The following SND1 variants were observed in gnomAD, a reference collection of about 807,000 sequenced individuals.
SND1 encodes staphylococcal nuclease and tudor domain containing 1.
Under a neutral mutation model 121.7 loss-of-function variants are expected in SND1, and 38 were observed. That is an observed-to-expected ratio of 0.31 (90% CI 0.24 to 0.41). SND1 has a LOEUF of 0.41. Ranked by LOEUF, SND1 falls within the 10% of genes least tolerant of loss-of-function variation. SND1 has a pLI of 1.00. For synonymous variants in SND1, 401 were observed against 447.4 expected (o/e 0.90, Z 1.31); for missense variants, 868 against 1,184.6 (o/e 0.73, Z 3.92).
At chr7:128,047,367 C>T (rs1792967850) in intron 16 of SND1, among the ~76,000 whole-genome samples, 1 of 152,238 alleles carries the variant, frequency 6.6e-6, no homozygotes. Flanking sequence ...CAGGATCTTC[C>T]AAACTTCAGA....
intron 15 of SND1, among the ~76,000 whole-genome samples, chr7:127,957,678 GT>G (rs1801627695): frequency 6.6e-6 from 1 of 151,674 alleles, no homozygotes; most frequent in South Asian, 2.1e-4. Flanking sequence ...GATGGCTGCA[GT>G]TATTTTATTT....
intron 11 of SND1, among the ~76,000 whole-genome samples, chr7:127,820,818 T>G: frequency 6.6e-6 from 1 of 152,200 alleles, no homozygotes; most frequent in Admixed American, 6.5e-5. Context: ...GTATGCTCCA[T>G]CTGCCTTTAT....
chr7:127,812,268 T>G (rs775988980), intron 11 of SND1, among the ~76,000 whole-genome samples: 1 of 152,218 alleles, frequency 6.6e-6, no homozygotes, highest in Non-Finnish European at 1.5e-5. Context: ...GAAAGTAGAT[T>G]TCTTCAGGTA....
chr7:127,841,734 G>A (rs946304409), intron 11 of SND1, among the ~76,000 whole-genome samples: 2 of 152,122 alleles, frequency 1.3e-5, no homozygotes, highest in African/African-American at 4.8e-5. Context: ...TGCAGGGAAA[G>A]TATTAAAAAC....
At chr7:127,749,874 A>G (rs1797054402) in intron 10 of SND1, among the ~76,000 whole-genome samples, 2 of 152,192 alleles carry the variant, frequency 1.3e-5, no homozygotes, top group African/African-American at 2.4e-5. Context: ...TGGGAGGCCA[A>G]GATGGGAGGA....
At chr7:127,837,914 G>A (rs1798895253) in intron 11 of SND1, among the ~76,000 whole-genome samples, 1 of 152,140 alleles carries the variant, frequency 6.6e-6, no homozygotes, top group South Asian at 2.1e-4. Context: ...TTCTATAGAA[G>A]GGTGCGACTC....
intron 16 of SND1, among the ~76,000 whole-genome samples, chr7:128,066,410 C>T (rs964589800): frequency 1.3e-5 from 2 of 152,322 alleles, no homozygotes; most frequent in East Asian, 1.9e-4. Context: ...CTGTGGGCTG[C>T]GCTTGAAAGA....
intron 16 of SND1, among the ~76,000 whole-genome samples, chr7:128,066,611 C>T (rs1230716500): frequency 6.6e-6 from 1 of 152,208 alleles, no homozygotes; most frequent in Non-Finnish European, 1.5e-5. Context: ...TCCACAGCAT[C>T]GCCTTATTAA....
chr7:127,884,981 TG>T (rs1401728454), intron 12 of SND1, among the ~76,000 whole-genome samples: 1 of 152,134 alleles, frequency 6.6e-6, no homozygotes, highest in Non-Finnish European at 1.5e-5. Flanking sequence ...CCCTCCCAAG[TG>T]GACACTCAGT....
In SND1 at chr7:128,092,412, G is replaced by A. The variant is rs1174658451; in HGVS notation, c.*354G>A. On this transcript the variant is annotated 3_prime_UTR_variant, in exon 24 of 24. Coordinates refer to ENST00000354725, the MANE Select transcript of SND1 (RefSeq NM_014390.4). This position sits in a 1 kb window ranked among gnomAD's most constrained non-coding sequence, Gnocchi z 4.9. Reference sequence around the variant, plus strand: ...AGTAATCCTAACACCCAGGCTGGCCGCCAGCTGGCACCTGCCTCTATCCCA... The same window carrying A: ...AGTAATCCTAACACCCAGGCTGGCCACCAGCTGGCACCTGCCTCTATCCCA... The A allele has an allele frequency of 7.6e-6, 2 of 264,120 alleles. No individual in the cohort carries two copies. The highest frequency in any genetic ancestry group is 2.2e-5 in the African/African-American group (1 of 45,758). 16.4% of individuals were successfully genotyped at this position (264,120 alleles called of 1,614,324 possible). A position where few individuals can be genotyped will look rare whatever the true frequency, so the allele number is the denominator to read the frequency against.
At chr7:128,039,433 C>T (rs1342869147) in intron 16 of SND1, among the ~76,000 whole-genome samples, 2 of 152,020 alleles carry the variant, frequency 1.3e-5, no homozygotes, top group East Asian at 3.9e-4. Context: ...TAGCCCTAGC[C>T]CTACCCTGCT....
intron 11 of SND1, among the ~76,000 whole-genome samples, chr7:127,809,484 G>A (rs938742641): frequency 6.6e-6 from 1 of 152,204 alleles, no homozygotes; most frequent in Non-Finnish European, 1.5e-5. Flanking sequence ...ATGTACTCTG[G>A]CGTCTGGGAG....
At chr7:127,917,911 A>T (rs1800618963) in intron 14 of SND1, among the ~76,000 whole-genome samples, 1 of 152,242 alleles carries the variant, frequency 6.6e-6, no homozygotes, top group Non-Finnish European at 1.5e-5. Context: ...GTTTCAAAAT[A>T]TGTAGAACAA....
chr7:127,779,155 T>C (rs1317569578), intron 10 of SND1, among the ~76,000 whole-genome samples: 1 of 152,172 alleles, frequency 6.6e-6, no homozygotes, highest in Non-Finnish European at 1.5e-5. Context: ...TTGCAGCACA[T>C]GGAGAAATCT....
chr7:127,733,098 T>A (rs950678492), intron 10 of SND1, among the ~76,000 whole-genome samples: 1 of 152,192 alleles, frequency 6.6e-6, no homozygotes, highest in African/African-American at 2.4e-5. Context: ...TCTCTCTCTC[T>A]TCCCTCCCCC....
intron 9 of SND1, among the ~76,000 whole-genome samples, chr7:127,720,194 G>A (rs1796467072): frequency 6.6e-6 from 1 of 152,188 alleles, no homozygotes; most frequent in Admixed American, 6.5e-5. Context: ...AAAGAGTCTA[G>A]CTCCTTTTGT....
intron 2 of SND1, among the ~76,000 whole-genome samples, chr7:127,694,337 T>C (rs563921071): frequency 2.5e-4 from 38 of 152,316 alleles, no homozygotes; most frequent in Admixed American, 4.6e-4. Flanking sequence ...TGAAACTGTT[T>C]TAGAAACTGG....
intron 16 of SND1, among the ~76,000 whole-genome samples, chr7:128,041,853 A>G (rs771746080): frequency 3.3e-5 from 5 of 152,170 alleles, no homozygotes; most frequent in South Asian, 2.1e-4. Context: ...CCATCTTTCA[A>G]TGTTTACCTC....
chr7:127,814,293 G>C (rs892602994), intron 11 of SND1, among the ~76,000 whole-genome samples: 3 of 152,050 alleles, frequency 2.0e-5, no homozygotes, highest in Non-Finnish European at 2.9e-5. Context: ...GCTGTGTTTG[G>C]GGGTAGGGAG....
Sources: gnomAD v4.1 joint callset for allele counts (sites outside exome capture counted in the v4.1 genomes callset) on GRCh38, gnomAD v4.1.1 for gene constraint, Gnocchi (gnomAD v3.1) non-coding constraint, MANE v1.5 for transcripts, NCBI Gene and HGNC (gene_info 2026-07-23, HGNC 2026-07-21) for gene names.